STK3: variants seen among roughly 807,000 people sequenced by gnomAD.
The protein encoded by STK3 is serine/threonine kinase 3, also known as serine/threonine-protein kinase 3.
A neutral mutation model predicts 58.0 loss-of-function variants in STK3; 41 were observed. The ratio of observed to expected loss-of-function variants is 0.71; its 90% CI spans 0.55 to 0.92. STK3 has a LOEUF of 0.92. STK3 is among the 40% of genes least tolerant of loss of function. The probability of loss-of-function intolerance (pLI) is 0.00; values close to 1 mark genes in which losing one functional copy is unlikely to be tolerated. For synonymous variants in STK3, 170 were observed against 191.0 expected, an observed-to-expected ratio of 0.89 and a Z score of 0.91; for missense variants, 479 against 602.7, an observed-to-expected ratio of 0.79 and a Z score of 2.15.
intron 3 of STK3, among the ~76,000 whole-genome samples, chr8:98,868,397 T>C (rs2131867227): frequency 6.6e-6 from 1 of 152,290 alleles, no homozygotes; most frequent in South Asian, 2.1e-4. Context: ...CTCAGGGAGT[T>C]AAACCCTCAG....
At chr8:98,934,690 T>G (rs1459061718) in intron 1 of STK3, among the ~76,000 whole-genome samples, 2 of 152,138 alleles carry the variant, frequency 1.3e-5, no homozygotes, top group African/African-American at 4.8e-5. Flanking sequence ...CCAAGGTGGA[T>G]GGACCACCTG....
At chr8:98,926,995 G>T (rs1335689322) in intron 1 of STK3, among the ~76,000 whole-genome samples, 3 of 152,220 alleles carry the variant, frequency 2.0e-5, no homozygotes, top group Non-Finnish European at 4.4e-5. Context: ...CCACAGCCAG[G>T]CAAAATGAAG....
chr8:98,729,436 C>CT (rs1178925091), intron 4 of STK3, among the ~76,000 whole-genome samples: 1 of 152,070 alleles, frequency 6.6e-6, no homozygotes, highest in East Asian at 1.9e-4. Flanking sequence ...ATTAAAGAAA[C>CT]TAACACTGTA....
intron 10 of STK3, among the ~76,000 whole-genome samples, chr8:98,468,513 T>A (rs1037909428): frequency 3.3e-5 from 5 of 152,252 alleles, no homozygotes; most frequent in Non-Finnish European, 7.3e-5. Context: ...TAAGCTGTCT[T>A]GTGCAAACTT....
chr8:98,858,814 C>G (rs1836813657), intron 3 of STK3, among the ~76,000 whole-genome samples: 1 of 151,276 alleles, frequency 6.6e-6, no homozygotes, highest in African/African-American at 2.4e-5. Flanking sequence ...ATTGCTTGAA[C>G]CCAGGAAGCG....
chr8:98,597,177 C>G, intron 6 of STK3: 1 of 635,106 alleles, frequency 1.6e-6, no homozygotes, highest in Non-Finnish European at 2.0e-6. Context: ...TTAATAATTG[C>G]CTATATCATT....
intron 6 of STK3, among the ~76,000 whole-genome samples, chr8:98,608,853 A>G (rs1276759842): frequency 6.6e-6 from 1 of 152,250 alleles, no homozygotes; most frequent in African/African-American, 2.4e-5. Flanking sequence ...TTGGATTCCC[A>G]TGTAAAACTG....
In STK3 at chr8:98,854,359, G is replaced by A. The variant is rs188040581; in HGVS notation, c.110+29288C>T. 2.2e-4 allele frequency among the ~76,000 whole-genome samples: 34 copies of A among 151,998 alleles called. No individual in the cohort carries two copies. In the East Asian group the frequency reaches 2.5e-3, roughly 11 times the overall value. ...TCACCATGTTGGCCAGGCTGATCTC[G>A]AACTCCTGACCTCAAGTGATCTGCC... On this transcript the variant is annotated intron_variant, in intron 3 of 12. Transcript: ENST00000523601.
At chr8:98,627,120 T>G (rs1818778845) in intron 6 of STK3, among the ~76,000 whole-genome samples, 1 of 152,162 alleles carries the variant, frequency 6.6e-6, no homozygotes, top group Admixed American at 6.5e-5. Context: ...GGCTCATGCT[T>G]GTAATCTCAA....
At chr8:98,775,114 C>G (rs973347966) in intron 1 of STK3, among the ~76,000 whole-genome samples, 1 of 152,138 alleles carries the variant, frequency 6.6e-6, no homozygotes, top group South Asian at 2.1e-4. Context: ...ACACACCCTT[C>G]TGTATAAATA....
chr8:98,615,114 G>A (rs1027544473), intron 6 of STK3, among the ~76,000 whole-genome samples: 7 of 151,994 alleles, frequency 4.6e-5, no homozygotes, highest in African/African-American at 1.2e-4. Context: ...CTGGAGATCT[G>A]AGAACGGGCA....
intron 10 of STK3, among the ~76,000 whole-genome samples, chr8:98,483,484 TC>T (rs1822004432): frequency 6.6e-6 from 1 of 152,196 alleles, no homozygotes; most frequent in Non-Finnish European, 1.5e-5. Flanking sequence ...TTTGCCTTTT[TC>T]CCCAAAGTAA....
chr8:98,698,525 T>G (rs1027142271), intron 6 of STK3, among the ~76,000 whole-genome samples: 1 of 152,224 alleles, frequency 6.6e-6, no homozygotes, highest in Non-Finnish European at 1.5e-5. Context: ...CCATGTTTAG[T>G]GCTTCCTTCA....
chr8:98,914,596 G>T (rs1163250907), intron 1 of STK3, among the ~76,000 whole-genome samples: 2 of 151,930 alleles, frequency 1.3e-5, no homozygotes, highest in Non-Finnish European at 2.9e-5. Flanking sequence ...TCATGTTGCC[G>T]CTATTGACAT....
chr8:98,658,508 A>C (rs1478882640), intron 6 of STK3, among the ~76,000 whole-genome samples: 1 of 151,826 alleles, frequency 6.6e-6, no homozygotes, highest in Non-Finnish European at 1.5e-5. Flanking sequence ...TAAGAACCTT[A>C]CTCCCTTTCA....
intron 6 of STK3, among the ~76,000 whole-genome samples, chr8:98,612,384 C>CATATAT (rs549252617): frequency 6.8e-6 from 1 of 147,304 alleles, no homozygotes; most frequent in South Asian, 2.1e-4. Context: ...TGTTTCTAAA[C>CATATAT]ATATATATAT....
chr8:98,434,323 A>C (rs1818409267), intron 2 of STK3: 1 of 152,302 alleles, frequency 6.6e-6, no homozygotes, highest in Non-Finnish European at 1.5e-5. Context: ...CCATCCCTGC[A>C]GCAAGGGTAT....
At chr8:98,764,721 T>C (rs985507021) in intron 3 of STK3, among the ~76,000 whole-genome samples, 8 of 152,210 alleles carry the variant, frequency 5.3e-5, no homozygotes, top group African/African-American at 1.9e-4. Flanking sequence ...GTAACCATTA[T>C]GTGGCAGGAT....
chr8:98,405,792 T>TGGCAGCAGGCAAACAGA (rs1817987582), intron 3 of STK3, among the ~76,000 whole-genome samples: 1 of 152,194 alleles, frequency 6.6e-6, no homozygotes, highest in Non-Finnish European at 1.5e-5. Context: ...CTTACATGGA[T>TGGCAGCAGGCAAACAGA]GGCAGCAGGC....
Sources: allele counts gnomAD v4.1 joint callset (sites outside exome capture counted in the v4.1 genomes callset), GRCh38; gene constraint gnomAD v4.1.1; transcripts MANE v1.5; gene names NCBI Gene and HGNC (gene_info 2026-07-23, HGNC 2026-07-21).